The following AIG1 variants were observed in gnomAD, a reference collection of about 807,000 sequenced individuals.
The protein encoded by AIG1 is androgen-induced gene 1 protein.
In AIG1, 23 loss-of-function variants were observed where a neutral mutation model predicts 31.4. The ratio of observed to expected loss-of-function variants is 0.73; its 90% CI spans 0.53 to 1.04. AIG1 has a LOEUF of 1.04. AIG1 is among the 50% of genes least tolerant of loss of function. The pLI, the probability that AIG1 is intolerant of heterozygous loss-of-function variation, is 0.00. For synonymous variants in AIG1, 100 were observed against 110.5 expected, an observed-to-expected ratio of 0.90 and a Z score of 0.60; for missense variants, 274 against 295.0, an observed-to-expected ratio of 0.93 and a Z score of 0.52.
intron 3 of AIG1, among the ~76,000 whole-genome samples, chr6:143,181,635 C>T (rs1788728116): frequency 6.6e-6 from 1 of 151,836 alleles, no homozygotes; most frequent in Non-Finnish European, 1.5e-5. Flanking sequence ...TTATTTTAAC[C>T]AGAATATTAT....
chr6:143,146,435 GA>G lies in AIG1; in HGVS notation c.297+9452del, dbSNP rs200896363. Among the ~76,000 whole-genome samples the G allele has an allele frequency of 6.0e-3, 913 of 151,888 alleles. 11 individuals carry two copies. Among genetic ancestry groups the G allele is most frequent in the African/African-American group, 0.014 (595 of 41,426 alleles). On this transcript the variant is annotated intron_variant, in intron 2 of 5. Coordinates refer to ENST00000357847, the MANE Select transcript of AIG1 (RefSeq NM_016108.4). ...CAATATTCTTGATTTTAAAAGAAAA[GA>G]AAAAAAGGATTCACACTTCTTCCTT...
chr6:143,252,672 C>T (rs1035400619), intron 3 of AIG1, among the ~76,000 whole-genome samples: 5 of 152,188 alleles, frequency 3.3e-5, no homozygotes, highest in African/African-American at 1.2e-4. Flanking sequence ...TTGGTTAGAT[C>T]GTTTTCTGTT....
intron 1 of AIG1, among the ~76,000 whole-genome samples, chr6:143,088,040 A>G (rs1778963364): frequency 1.3e-5 from 2 of 152,196 alleles, no homozygotes; most frequent in South Asian, 4.1e-4. Context: ...GCCAGACATA[A>G]ATCTTCAGTT....
At position 143,279,578 on chromosome 6, in the gene AIG1, T is replaced by C. The variant is rs756012101; in HGVS notation, c.400-4532T>C. ...CCCACCTCAGGTGTGAGGACTGCTC[T>C]GTGTGGAGGTGACACCCCCTTGTGG... On this transcript the variant is annotated intron_variant, in intron 3 of 5. Transcript: ENST00000357847. The surrounding 1 kb of genome is among the most constrained non-coding windows in gnomAD (Gnocchi z 5.4). 3.2e-4 allele frequency among the ~76,000 whole-genome samples: 49 copies of C among 152,222 alleles called. No homozygotes were observed. Among genetic ancestry groups the C allele is most frequent in the Non-Finnish European group, 3.1e-4 (21 of 68,042 alleles).
chr6:143,081,304 T>C (rs922825947), intron 1 of AIG1, among the ~76,000 whole-genome samples: 5 of 152,106 alleles, frequency 3.3e-5, no homozygotes, highest in African/African-American at 1.2e-4. Flanking sequence ...ACTCCCTGCG[T>C]TACTGCAGCC....
chr6:143,248,350 A>G (rs1794761072), intron 3 of AIG1, among the ~76,000 whole-genome samples: 2 of 152,158 alleles, frequency 1.3e-5, no homozygotes, highest in South Asian at 4.1e-4. Flanking sequence ...TTCCTCCCAT[A>G]TTTTTGAAGG....
Position 143,329,333 on chromosome 6 carries a change from CT to C in AIG1, c.516-3948del, listed in dbSNP as rs1162706352. ...TTTAGTCTGATCTCAGTTTCTTTAC[CT>C]GTTTAAAGAGAATAATCATACCTAA... On this transcript the variant is annotated intron_variant, in intron 4 of 5. Coordinates refer to ENST00000357847, the MANE Select transcript of AIG1 (RefSeq NM_016108.4). The surrounding 1 kb of genome is among the most constrained non-coding windows in gnomAD (Gnocchi z 4.9). 6.6e-6 allele frequency among the ~76,000 whole-genome samples: 1 copy of C among 152,106 alleles called. No homozygotes were observed. Among genetic ancestry groups the C allele is most frequent in the African/African-American group, 2.4e-5 (1 of 41,416 alleles).
chr6:143,311,723 A>C (rs533275029), intron 4 of AIG1, among the ~76,000 whole-genome samples: 1 of 152,014 alleles, frequency 6.6e-6, no homozygotes, highest in South Asian at 2.1e-4. Flanking sequence ...TAGCTAGAGC[A>C]ATCAGACAAG....
At chr6:143,235,227 T>G (rs1345775336) in intron 3 of AIG1, among the ~76,000 whole-genome samples, 1 of 152,152 alleles carries the variant, frequency 6.6e-6, no homozygotes, top group Non-Finnish European at 1.5e-5. Context: ...GACAGGATTT[T>G]TCATCAAATG....
Position 143,291,837 on chromosome 6 carries a change from A to T in AIG1, c.515+7612A>T, listed in dbSNP as rs930711055. On this transcript the variant is annotated intron_variant, in intron 4 of 5. Coordinates refer to ENST00000357847, the MANE Select transcript of AIG1 (RefSeq NM_016108.4). This position sits in a 1 kb window ranked among gnomAD's most constrained non-coding sequence, Gnocchi z 4.2. ...TGAGGGAAGGAGAGCATTAGAGGCC[A>T]CTGGAAAGACTGTCCTTAATTCAGA... Among the ~76,000 whole-genome samples, 10 of 152,194 alleles carry T rather than the reference A, an allele frequency of 6.6e-5. No individual in the cohort carries two copies. The highest frequency in any genetic ancestry group is 2.4e-4 in the African/African-American group (10 of 41,456).
intron 3 of AIG1, among the ~76,000 whole-genome samples, chr6:143,208,761 T>A (rs1209639623): frequency 1.3e-5 from 2 of 152,148 alleles, no homozygotes; most frequent in Non-Finnish European, 2.9e-5. Context: ...TTTAGATATT[T>A]TCCCCCCAGC....
chr6:143,305,477 T>C (rs551371806), intron 4 of AIG1, among the ~76,000 whole-genome samples: 37 of 152,342 alleles, frequency 2.4e-4, no homozygotes, highest in African/African-American at 8.4e-4. Context: ...TTCATTTTGT[T>C]ATGTACCCAG....
intron 1 of AIG1, among the ~76,000 whole-genome samples, chr6:143,072,162 AT>A (rs1777350010): frequency 6.6e-6 from 1 of 152,114 alleles, no homozygotes; most frequent in African/African-American, 2.4e-5. Context: ...CTTACTTGCC[AT>A]CTGTATATCC....
intron 1 of AIG1, among the ~76,000 whole-genome samples, chr6:143,070,583 C>T (rs1583060254): frequency 2.0e-5 from 3 of 152,260 alleles, no homozygotes; most frequent in East Asian, 1.9e-4. Flanking sequence ...AAGCATGGTG[C>T]TGGCATCTGG....
intron 1 of AIG1, chr6:143,099,658 G>A (rs1037662956): frequency 2.0e-4 from 30 of 152,164 alleles, no homozygotes; most frequent in African/African-American, 7.0e-4. Flanking sequence ...CTTCATAAAA[G>A]TGGTTTCATT....
intron 3 of AIG1, among the ~76,000 whole-genome samples, chr6:143,174,486 CA>C (rs71024844): frequency 0.16 from 9,551 of 59,690 alleles, 281 homozygotes; most frequent in East Asian, 0.38. Flanking sequence ...GACTCCGTCT[CA>C]AAAAAAAAAA....
chr6:143,172,526 T>C (rs1787737294), intron 3 of AIG1, among the ~76,000 whole-genome samples: 1 of 152,196 alleles, frequency 6.6e-6, no homozygotes, highest in Non-Finnish European at 1.5e-5. Flanking sequence ...TCTGTAGTTT[T>C]CTTTTGTTGT....
At chr6:143,171,324 G>C (rs1205474629) in intron 3 of AIG1, among the ~76,000 whole-genome samples, 1 of 148,192 alleles carries the variant, frequency 6.7e-6, no homozygotes, top group Admixed American at 6.9e-5. Context: ...ACTTCACTTA[G>C]AATGATGGTT....
At chr6:143,319,138 G>A (rs903223449) in intron 4 of AIG1, among the ~76,000 whole-genome samples, 2 of 152,074 alleles carry the variant, frequency 1.3e-5, no homozygotes, top group East Asian at 1.9e-4. Flanking sequence ...TCTACCCAGA[G>A]GAAAATAAGT....
Sources: gnomAD v4.1 joint callset for allele counts (sites outside exome capture counted in the v4.1 genomes callset) on GRCh38, gnomAD v4.1.1 for gene constraint, Gnocchi (gnomAD v3.1) non-coding constraint, MANE v1.5 for transcripts, NCBI Gene and HGNC (gene_info 2026-07-23, HGNC 2026-07-21) for gene names.